The following NEK10 variants were observed in gnomAD, a reference collection of about 807,000 sequenced individuals.
NEK10 encodes serine/threonine-protein kinase Nek10.
NEK10 carries 122 observed loss-of-function variants against 159.8 expected under a neutral mutation model. The ratio of observed to expected loss-of-function variants is 0.76; its 90% CI spans 0.66 to 0.89. NEK10 has a LOEUF of 0.89. Among genes scored for constraint, NEK10 ranks in the 40% least tolerant of loss-of-function variants. NEK10 has a pLI of 0.00. For missense variants in NEK10, 1,342 were observed against 1,323.1 expected (o/e 1.01, Z -0.22); for synonymous variants, 466 against 457.1 (o/e 1.02, Z -0.25).
chr3:27,345,268 C>T (rs1414023965), intron 4 of NEK10, among the ~76,000 whole-genome samples: 1 of 152,110 alleles, frequency 6.6e-6, no homozygotes, highest in African/African-American at 2.4e-5. Context: ...CACCTGAGGG[C>T]TGTAATGGTT....
At chr3:27,241,041 G>C (rs77285624) in intron 23 of NEK10, among the ~76,000 whole-genome samples, 1 of 152,122 alleles carries the variant, frequency 6.6e-6, no homozygotes, top group African/African-American at 2.4e-5. Context: ...TAGCACCCCA[G>C]AACTACAGGG....
intron 12 of NEK10, among the ~76,000 whole-genome samples, chr3:27,304,253 A>G (rs1489591967): frequency 6.6e-6 from 1 of 152,162 alleles, no homozygotes; most frequent in Admixed American, 6.5e-5. Flanking sequence ...TAATGATATC[A>G]TCTTTCAAAA....
chr3:27,289,155 G>GA (rs1004760034), intron 19 of NEK10, among the ~76,000 whole-genome samples: 3 of 152,198 alleles, frequency 2.0e-5, no homozygotes, highest in Admixed American at 6.5e-5. Context: ...CAAGAAGAGA[G>GA]AAAAAAGCCT....
intron 30 of NEK10, among the ~76,000 whole-genome samples, chr3:27,159,264 C>T (rs2148799664): frequency 6.6e-6 from 1 of 152,196 alleles, no homozygotes; most frequent in East Asian, 1.9e-4. Context: ...AAGCAGAAAA[C>T]AATATCTACC....
At chr3:27,302,996 T>C (rs1005761265) in intron 12 of NEK10, among the ~76,000 whole-genome samples, 5 of 152,126 alleles carry the variant, frequency 3.3e-5, no homozygotes, top group Admixed American at 6.5e-5. Context: ...GTGTTCTTCA[T>C]ACTCCAGCCA....
At chr3:27,207,841 C>G (rs1291969773) in intron 23 of NEK10, among the ~76,000 whole-genome samples, 1 of 152,130 alleles carries the variant, frequency 6.6e-6, no homozygotes, top group African/African-American at 2.4e-5. Context: ...TATTTGTGCA[C>G]TCAAGGAGGC....
intron 22 of NEK10, among the ~76,000 whole-genome samples, chr3:27,265,374 T>C (rs1273066956): frequency 3.3e-5 from 5 of 152,226 alleles, no homozygotes; most frequent in Non-Finnish European, 5.9e-5. Context: ...TCAAAATGTT[T>C]TCCAGTTTTT....
At chr3:27,225,880 T>C (rs999416887) in intron 23 of NEK10, among the ~76,000 whole-genome samples, 7 of 152,208 alleles carry the variant, frequency 4.6e-5, no homozygotes, top group South Asian at 2.1e-4. Flanking sequence ...ATTTTTCTGT[T>C]GACTTGCTTA....
chr3:27,233,105 C>T (rs1164078992), intron 23 of NEK10, among the ~76,000 whole-genome samples: 1 of 152,080 alleles, frequency 6.6e-6, no homozygotes, highest in Non-Finnish European at 1.5e-5. Context: ...CAACAGACAA[C>T]CCACAGAGTG....
At chr3:27,178,103 G>T (rs1462352961) in intron 26 of NEK10, among the ~76,000 whole-genome samples, 1 of 152,152 alleles carries the variant, frequency 6.6e-6, no homozygotes, top group African/African-American at 2.4e-5. Flanking sequence ...ATGGAAATCA[G>T]CACCATTATA....
chr3:27,208,749 T>C (rs1235222662), intron 23 of NEK10, among the ~76,000 whole-genome samples: 1 of 152,204 alleles, frequency 6.6e-6, no homozygotes, highest in Non-Finnish European at 1.5e-5. Context: ...TTAATTCATG[T>C]ATGTCTGCAA....
intron 11 of NEK10, among the ~76,000 whole-genome samples, chr3:27,305,509 G>C (rs1441166978): frequency 2.6e-5 from 4 of 151,648 alleles, no homozygotes; most frequent in Non-Finnish European, 5.9e-5. Flanking sequence ...CTGGGTGACA[G>C]AGCGAGACTC....
intron 6 of NEK10, 73 bp from the exon 7 acceptor site, chr3:27,314,411 T>C (rs2149610956): frequency 1.1e-6 from 1 of 872,624 alleles, no homozygotes; most frequent in South Asian, 1.4e-5. Context: ...ACATGCAATT[T>C]CTTTACTAAG....
chr3:27,160,606 A>G (rs1945926604), intron 30 of NEK10, among the ~76,000 whole-genome samples: 1 of 152,092 alleles, frequency 6.6e-6, no homozygotes, highest in African/African-American at 2.4e-5. Context: ...AAAATCTAGC[A>G]CTCACTGATA....
intron 5 of NEK10, among the ~76,000 whole-genome samples, chr3:27,326,532 T>C (rs949420292): frequency 2.0e-5 from 3 of 152,146 alleles, no homozygotes; most frequent in Admixed American, 2.0e-4. Context: ...TTAATATAAA[T>C]ATAAAAAGTT....
intron 26 of NEK10, among the ~76,000 whole-genome samples, chr3:27,182,169 T>C (rs897580666): frequency 6.6e-6 from 1 of 152,180 alleles, no homozygotes; most frequent in African/African-American, 2.4e-5. Flanking sequence ...TACTGTATTC[T>C]TGAAAAATAC....
chr3:27,187,757 T>G (rs1948752725), intron 26 of NEK10, among the ~76,000 whole-genome samples: 1 of 121,066 alleles, frequency 8.3e-6, no homozygotes, highest in Non-Finnish European at 1.6e-5. Flanking sequence ...TGAGACTCCA[T>G]CTCAAAAAAA....
At chr3:27,157,188 G>A (rs1177574573) in intron 30 of NEK10, among the ~76,000 whole-genome samples, 1 of 151,476 alleles carries the variant, frequency 6.6e-6, no homozygotes, top group East Asian at 2.0e-4. Flanking sequence ...GGGGAAGAGT[G>A]GGAAAGGGGT....
intron 26 of NEK10, among the ~76,000 whole-genome samples, chr3:27,190,298 C>A (rs1002923718): frequency 2.0e-5 from 3 of 152,060 alleles, no homozygotes; most frequent in African/African-American, 7.2e-5. Context: ...AAATGACTCT[C>A]CAAACACATA....
Sources: gnomAD v4.1 joint callset for allele counts (sites outside exome capture counted in the v4.1 genomes callset) on GRCh38, gnomAD v4.1.1 for gene constraint, MANE v1.5 for transcripts, NCBI Gene and HGNC (gene_info 2026-07-23, HGNC 2026-07-21) for gene names.